The following IMPG2 variants were observed in gnomAD, a reference collection of about 807,000 sequenced individuals.
IMPG2 encodes the protein interphotoreceptor matrix proteoglycan 2.
IMPG2 carries 91 observed loss-of-function variants against 129.2 expected under a neutral mutation model. The ratio of observed to expected loss-of-function variants is 0.70; its 90% CI spans 0.59 to 0.84. The LOEUF (loss-of-function observed/expected upper bound fraction) is 0.84, where lower values mean the gene tolerates loss of function less well. Among genes scored for constraint, IMPG2 ranks in the 40% least tolerant of loss-of-function variants. The pLI is 0.00. For synonymous variants in IMPG2, 510 were observed against 517.7 expected (o/e 0.99, Z 0.20); for missense variants, 1,430 against 1,461.7 (o/e 0.98, Z 0.35).
chr3:101,305,877 C>T (rs942788176), intron 2 of IMPG2, among the ~76,000 whole-genome samples: 14 of 151,824 alleles, frequency 9.2e-5, no homozygotes, highest in African/African-American at 2.4e-4. Flanking sequence ...ATTTCAGAGG[C>T]GCAGGACACT....
At chr3:101,285,876 T>C (rs1706941033) in intron 4 of IMPG2, among the ~76,000 whole-genome samples, 2 of 152,224 alleles carry the variant, frequency 1.3e-5, no homozygotes, top group African/African-American at 4.8e-5. Flanking sequence ...GCTTTTAGTA[T>C]GTAAATTATA....
chr3:101,258,641 C>T (rs1389010911), intron 9 of IMPG2, among the ~76,000 whole-genome samples: 2 of 152,092 alleles, frequency 1.3e-5, no homozygotes, highest in African/African-American at 2.4e-5. Flanking sequence ...ACAAACAGCA[C>T]TTGTCTGGGA....
rs1334914133 is a variant in IMPG2, at chr3:101,224,562, G to A, written c.*2407C>T. On this transcript the variant is annotated 3_prime_UTR_variant, in exon 19 of 19. Coordinates refer to ENST00000193391, the MANE Select transcript of IMPG2 (RefSeq NM_016247.4). ...TGCCATTAAATCACCTTCGAGGAAG[G>A]TCTTTTAGAAAGAAGCTCTTTAGGG... 4 of 152,222 alleles carry A rather than the reference G, an allele frequency of 2.6e-5. No homozygotes were observed. The highest frequency in any genetic ancestry group is 5.9e-5 in the Non-Finnish European group (4 of 68,050). 9.4% of individuals were successfully genotyped at this position (152,222 alleles called of 1,614,324 possible). A position where few individuals can be genotyped will look rare whatever the true frequency, so the allele number is the denominator to read the frequency against.
chr3:101,265,515 C>G (rs1706713090), intron 9 of IMPG2, among the ~76,000 whole-genome samples: 1 of 152,034 alleles, frequency 6.6e-6, no homozygotes, highest in African/African-American at 2.4e-5. Flanking sequence ...TGAAACTAGA[C>G]CCCTCAGCTC....
chr3:101,315,610 T>C (rs1333373068), intron 2 of IMPG2, among the ~76,000 whole-genome samples: 1 of 152,134 alleles, frequency 6.6e-6, no homozygotes, highest in East Asian at 1.9e-4. Context: ...ATCTCATGTC[T>C]ATGCAAATAT....
chr3:101,245,557 T>C (rs532845940), intron 12 of IMPG2, among the ~76,000 whole-genome samples: 27 of 152,296 alleles, frequency 1.8e-4, no homozygotes, highest in African/African-American at 6.5e-4. Context: ...CAATATGACC[T>C]TCAAAATGTC....
intron 10 of IMPG2, among the ~76,000 whole-genome samples, chr3:101,256,145 A>AAAAGAAAGAAAGAAAGAAAGAAGG (rs1706599170): frequency 1.3e-5 from 1 of 77,538 alleles, no homozygotes; most frequent in African/African-American, 5.2e-5. Flanking sequence ...AGAAAGAAAG[A>AAAAGAAAGAAAGAAAGAAAGAAGG]AAAGAAAGAA....
intron 4 of IMPG2, among the ~76,000 whole-genome samples, chr3:101,278,258 T>C (rs1453198950): frequency 6.6e-6 from 1 of 151,964 alleles, no homozygotes; most frequent in Admixed American, 6.6e-5. Context: ...AAATAAAAAC[T>C]CTTCAATGCT....
At chr3:101,316,866 T>A (rs145533938) in intron 2 of IMPG2, among the ~76,000 whole-genome samples, 6 of 152,094 alleles carry the variant, frequency 3.9e-5, no homozygotes, top group Non-Finnish European at 8.8e-5. Flanking sequence ...ATCCGTAATA[T>A]AGAATACTAC....
At chr3:101,247,151 T>A (rs1706488975) in intron 11 of IMPG2, among the ~76,000 whole-genome samples, 1 of 151,934 alleles carries the variant, frequency 6.6e-6, no homozygotes, top group African/African-American at 2.4e-5. Context: ...GACCATGGTA[T>A]TTGGCAGAAG....
chr3:101,292,632 T>C (rs943033131), intron 3 of IMPG2, among the ~76,000 whole-genome samples: 5 of 152,202 alleles, frequency 3.3e-5, no homozygotes, highest in Non-Finnish European at 5.9e-5. Context: ...GGCAATTTCA[T>C]AAAAATAAGA....
chr3:101,317,142 G>A (rs1479608531), intron 2 of IMPG2, among the ~76,000 whole-genome samples: 1 of 151,934 alleles, frequency 6.6e-6, no homozygotes, highest in Non-Finnish European at 1.5e-5. Flanking sequence ...GTGATTGATA[G>A]GTTTATTATC....
intron 3 of IMPG2, among the ~76,000 whole-genome samples, chr3:101,298,078 G>A (rs1171286853): frequency 6.6e-6 from 1 of 152,180 alleles, no homozygotes; most frequent in Non-Finnish European, 1.5e-5. Flanking sequence ...GAATCTGAGT[G>A]CTTCTATATT....
At chr3:101,312,339 A>G (rs1283601464) in intron 2 of IMPG2, among the ~76,000 whole-genome samples, 2 of 152,138 alleles carry the variant, frequency 1.3e-5, no homozygotes, top group African/African-American at 4.8e-5. Context: ...AAAGACAAAT[A>G]ACATAATTTA....
At chr3:101,252,300 C>T (rs1049049491) in intron 11 of IMPG2, among the ~76,000 whole-genome samples, 1 of 152,102 alleles carries the variant, frequency 6.6e-6, no homozygotes, top group Non-Finnish European at 1.5e-5. Context: ...ATAGTTGGAT[C>T]CAGCTAGTCT....
At chr3:101,233,755 C>A (rs1258449921) in intron 14 of IMPG2, among the ~76,000 whole-genome samples, 3 of 152,048 alleles carry the variant, frequency 2.0e-5, no homozygotes, top group Non-Finnish European at 4.4e-5. Flanking sequence ...CAATGGTAAT[C>A]TGTGAATGGT....
chr3:101,280,369 T>G (rs1706879673), intron 4 of IMPG2, among the ~76,000 whole-genome samples: 1 of 152,156 alleles, frequency 6.6e-6, no homozygotes, highest in Admixed American at 6.6e-5. Context: ...ACAAAAGAAC[T>G]CAAAGAAAGG....
At chr3:101,280,360 CA>C (rs1274099580) in intron 4 of IMPG2, among the ~76,000 whole-genome samples, 2 of 152,112 alleles carry the variant, frequency 1.3e-5, no homozygotes. Flanking sequence ...CATGTGACCA[CA>C]AAAGAACTCA....
intron 14 of IMPG2, among the ~76,000 whole-genome samples, chr3:101,235,720 G>T (rs183312084): frequency 7.9e-5 from 12 of 152,244 alleles, no homozygotes; most frequent in African/African-American, 2.4e-4. Context: ...GATTCTATTG[G>T]GGAAACAAAG....
Sources: gnomAD v4.1 joint callset for allele counts (sites outside exome capture counted in the v4.1 genomes callset) on GRCh38, gnomAD v4.1.1 for gene constraint, MANE v1.5 for transcripts, NCBI Gene and HGNC (gene_info 2026-07-23, HGNC 2026-07-21) for gene names.